ADGRL2: variants seen among roughly 807,000 people sequenced by gnomAD.
ADGRL2 encodes calcium-independent alpha-latrotoxin receptor 2.
In ADGRL2, 44 loss-of-function variants were observed where a neutral mutation model predicts 157.4. The ratio of observed to expected loss-of-function variants is 0.28; its 90% CI spans 0.22 to 0.36. ADGRL2 has a LOEUF of 0.36. Among genes scored for constraint, ADGRL2 ranks in the 10% least tolerant of loss-of-function variants. The pLI is 1.00. For missense variants in ADGRL2, 1,510 were observed against 1,768.9 expected (o/e 0.85, Z 2.63); for synonymous variants, 585 against 624.7 (o/e 0.94, Z 0.95).
intron 3 of ADGRL2, among the ~76,000 whole-genome samples, chr1:81,626,316 T>C (rs1341810346): frequency 3.3e-5 from 5 of 152,130 alleles, no homozygotes; most frequent in African/African-American, 1.2e-4. Flanking sequence ...CCCTTTTTAT[T>C]TTTTTTGAGA....
At chr1:81,361,465 T>C (rs1371935522) in intron 1 of ADGRL2, among the ~76,000 whole-genome samples, 7 of 151,890 alleles carry the variant, frequency 4.6e-5, no homozygotes, top group African/African-American at 1.2e-4. Flanking sequence ...ACTTCAATTA[T>C]TCTAAGCAGG....
chr1:81,614,038 C>T (rs2081594736), intron 3 of ADGRL2, among the ~76,000 whole-genome samples: 1 of 152,188 alleles, frequency 6.6e-6, no homozygotes, highest in Non-Finnish European at 1.5e-5. Context: ...AAACCAGACC[C>T]ATCACTGCCT....
intron 17 of ADGRL2, among the ~76,000 whole-genome samples, chr1:81,972,911 T>TAAA (rs11440202): frequency 0.18 from 22,503 of 128,440 alleles, 2,016 homozygotes; most frequent in Middle Eastern, 0.32. Flanking sequence ...GACCCTGTCT[T>TAAA]AAAAAAAAAA....
At chr1:81,985,690 T>TA (rs1328595568) in intron 21 of ADGRL2, among the ~76,000 whole-genome samples, 1 of 152,014 alleles carries the variant, frequency 6.6e-6, no homozygotes, top group African/African-American at 2.4e-5. Flanking sequence ...AAAACATGTG[T>TA]AGTAAATCTT....
chr1:81,404,915 A>G (rs2076826074), intron 1 of ADGRL2, among the ~76,000 whole-genome samples: 1 of 152,314 alleles, frequency 6.6e-6, no homozygotes, highest in African/African-American at 2.4e-5. Context: ...ATATTTATAG[A>G]TTTGTATAAT....
intron 11 of ADGRL2, 97 bp downstream of exon 11, chr1:81,956,157 ACTT>A: frequency 1.1e-6 from 1 of 870,182 alleles, no homozygotes. Flanking sequence ...CCAGTGCTGT[ACTT>A]CTTTTTTTGT....
At chr1:81,393,871 T>A (rs2101155806) in intron 1 of ADGRL2, among the ~76,000 whole-genome samples, 1 of 151,680 alleles carries the variant, frequency 6.6e-6, no homozygotes, top group Non-Finnish European at 1.5e-5. Context: ...TGAGAGTAAT[T>A]CATTGTTTTT....
At chr1:81,946,734 T>C (rs3790891) in intron 6 of ADGRL2, among the ~76,000 whole-genome samples, 44,689 of 151,988 alleles carry the variant, frequency 0.29, 7,161 homozygotes, top group Middle Eastern at 0.37. Context: ...ACCTTTTCAC[T>C]GATAAAGAAT....
At chr1:81,780,585 T>C (rs906824676) in intron 2 of ADGRL2, among the ~76,000 whole-genome samples, 2 of 152,186 alleles carry the variant, frequency 1.3e-5, no homozygotes, top group Admixed American at 1.3e-4. Flanking sequence ...GTAAGTTTCA[T>C]CCCAATATGT....
chr1:81,558,451 A>C (rs910128236), intron 2 of ADGRL2, among the ~76,000 whole-genome samples: 1 of 152,210 alleles, frequency 6.6e-6, no homozygotes, highest in Non-Finnish European at 1.5e-5. Flanking sequence ...CACCTTTCAT[A>C]GTATGTTCTC....
chr1:81,674,093 T>C (rs1042345655), intron 3 of ADGRL2, among the ~76,000 whole-genome samples: 1 of 152,218 alleles, frequency 6.6e-6, no homozygotes, highest in Non-Finnish European at 1.5e-5. Context: ...TTTTAAAATA[T>C]GTTATATCTA....
At chr1:81,458,551 C>T (rs2077854726) in intron 2 of ADGRL2, among the ~76,000 whole-genome samples, 1 of 152,198 alleles carries the variant, frequency 6.6e-6, no homozygotes, top group African/African-American at 2.4e-5. Context: ...CCTCTGGACT[C>T]ACACCATCCG....
intron 1 of ADGRL2, among the ~76,000 whole-genome samples, chr1:81,715,179 A>T (rs74986554): frequency 0.091 from 13,254 of 146,214 alleles, 639 homozygotes; most frequent in South Asian, 0.15. Flanking sequence ...AATTTAGTAA[A>T]TTTTTTTTTT....
At chr1:81,848,239 A>G (rs1282127481) in intron 2 of ADGRL2, among the ~76,000 whole-genome samples, 1 of 151,850 alleles carries the variant, frequency 6.6e-6, no homozygotes, top group African/African-American at 2.4e-5. Flanking sequence ...AACCACTCAA[A>G]AGTAAGTTAG....
intron 2 of ADGRL2, among the ~76,000 whole-genome samples, chr1:81,483,298 T>C (rs1160038442): frequency 6.6e-6 from 1 of 152,170 alleles, no homozygotes; most frequent in East Asian, 1.9e-4. Context: ...CCACGGCTGT[T>C]ATAGCCTAAG....
At chr1:81,356,324 A>G (rs746002068) in intron 1 of ADGRL2, among the ~76,000 whole-genome samples, 9 of 152,252 alleles carry the variant, frequency 5.9e-5, no homozygotes, top group South Asian at 2.1e-4. Context: ...AAGATTCTCA[A>G]TTCACATAAA....
chr1:81,755,046 T>C (rs770799950), intron 1 of ADGRL2, among the ~76,000 whole-genome samples: 18 of 151,008 alleles, frequency 1.2e-4, no homozygotes, highest in Non-Finnish European at 1.9e-4. Context: ...TTGTGATGAT[T>C]CTCTGAATAA....
intron 3 of ADGRL2, among the ~76,000 whole-genome samples, chr1:81,674,889 A>G (rs188927145): frequency 1.6e-4 from 25 of 152,330 alleles, no homozygotes; most frequent in Non-Finnish European, 2.9e-4. Context: ...TATATAGAAG[A>G]TCCTTGCAGG....
intron 2 of ADGRL2, among the ~76,000 whole-genome samples, chr1:81,899,753 C>T (rs1042093675): frequency 2.0e-5 from 3 of 152,106 alleles, no homozygotes; most frequent in African/African-American, 4.8e-5. Flanking sequence ...ACTGAAAATA[C>T]GGCTTGGAAT....
Sources: allele counts gnomAD v4.1 joint callset (sites outside exome capture counted in the v4.1 genomes callset), GRCh38; gene constraint gnomAD v4.1.1; transcripts MANE v1.5; gene names NCBI Gene and HGNC (gene_info 2026-07-23, HGNC 2026-07-21).